RSL1D1: variants seen among roughly 807,000 people sequenced by gnomAD.
RSL1D1 encodes the protein ribosomal L1 domain-containing protein 1.
Under a neutral mutation model 44.6 loss-of-function variants are expected in RSL1D1, and 34 were observed. The ratio of observed to expected loss-of-function variants is 0.76; its 90% CI spans 0.58 to 1.02. The LOEUF is 1.02. Ranked by LOEUF, RSL1D1 falls within the 50% of genes least tolerant of loss-of-function variation. The probability of loss-of-function intolerance (pLI) is 0.00; values close to 1 mark genes in which losing one functional copy is unlikely to be tolerated. For missense variants in RSL1D1, 767 were observed against 568.1 expected, an observed-to-expected ratio of 1.35 and a Z score of -3.56; for synonymous variants, 271 against 207.4, an observed-to-expected ratio of 1.31 and a Z score of -2.63.
chr16:11,838,523 TA>T (rs2053738315), intron 8 of RSL1D1, among the ~76,000 whole-genome samples: 1 of 151,932 alleles, frequency 6.6e-6, no homozygotes, highest in Admixed American at 6.6e-5. Flanking sequence ...CCCCAAAAGG[TA>T]CACCTCAGTA....
chr16:11,847,889 CTTAG>C (rs2053810781), intron 2 of RSL1D1, 83 bp from the exon 3 acceptor site: 2 of 1,371,276 alleles, frequency 1.5e-6, no homozygotes, highest in Non-Finnish European at 2.0e-6. Flanking sequence ...ACGCGATAAA[CTTAG>C]TGTTATTTAA....
At chr16:11,844,752 A>T (rs1458613740) in intron 5 of RSL1D1, among the ~76,000 whole-genome samples, 1 of 152,226 alleles carries the variant, frequency 6.6e-6, no homozygotes, top group Non-Finnish European at 1.5e-5. Flanking sequence ...GCAGTGGCCT[A>T]CAGCTCTGCC....
chr16:11,849,083 A>G (rs1596443152), intron 2 of RSL1D1, among the ~76,000 whole-genome samples: 2 of 152,188 alleles, frequency 1.3e-5, no homozygotes, highest in African/African-American at 4.8e-5. Context: ...CCAGCATAAC[A>G]TAACTTTTAA....
chr16:11,850,506 T>A, intron 1 of RSL1D1, 88 bp from the exon 2 acceptor site: 1 of 1,381,346 alleles, frequency 7.2e-7, no homozygotes, highest in Non-Finnish European at 9.8e-7. Context: ...AATTTAGCAT[T>A]TGCCCCCTCC....
intron 2 of RSL1D1, 53 bp from the exon 3 acceptor site, chr16:11,847,859 ATGTT>A: frequency 6.5e-7 from 1 of 1,543,356 alleles, no homozygotes; most frequent in East Asian, 2.2e-5. Context: ...CACATTATGC[ATGTT>A]TGTATCACAC....
rs1596436812 is a variant in RSL1D1, at chr16:11,837,576, C to T, written c.*211G>A. On this transcript the variant is annotated 3_prime_UTR_variant, in exon 9 of 9. Coordinates refer to ENST00000571133, the MANE Select transcript of RSL1D1 (RefSeq NM_015659.3). ...ATGTTGGCCAGGATGGTCTCGATCT[C>T]GTTGACCTTGTGATCCGCCTGCCTC... 12 of 505,680 alleles carry T rather than the reference C, an allele frequency of 2.4e-5. No homozygotes were observed. Among genetic ancestry groups the T allele is most frequent in the Middle Eastern group, 5.3e-4 (1 of 1,878 alleles). The allele number at this position is 505,680 out of a possible 1,614,324, so 31.3% of individuals were successfully genotyped here.
At chr16:11,847,050 G>A (rs1027469238) in intron 3 of RSL1D1, among the ~76,000 whole-genome samples, 1 of 152,116 alleles carries the variant, frequency 6.6e-6, no homozygotes, top group Non-Finnish European at 1.5e-5. Flanking sequence ...CCCAGCTAAA[G>A]CAACTTAGAT....
At chr16:11,846,637 T>C (rs201573937) in intron 4 of RSL1D1, 35 bp from the exon 5 acceptor site, 505 of 1,606,154 alleles carry the variant, frequency 3.1e-4, no homozygotes, top group Non-Finnish European at 3.8e-4. Flanking sequence ...CAGAACACAA[T>C]GCATACACAC....
chr16:11,846,451 AT>A (rs1410657592), intron 5 of RSL1D1, 49 bp downstream of exon 5: 4 of 981,098 alleles, frequency 4.1e-6, no homozygotes, highest in Non-Finnish European at 6.3e-6. Context: ...ATATAAAATC[AT>A]TGTCAAATAC....
At chr16:11,848,097 TA>T (rs2053812039) in intron 2 of RSL1D1, among the ~76,000 whole-genome samples, 1 of 151,840 alleles carries the variant, frequency 6.6e-6, no homozygotes, top group African/African-American at 2.4e-5. Flanking sequence ...ACTAAAATTA[TA>T]AAAAATTAGC....
At position 11,837,777 on chromosome 16, in the gene RSL1D1, A is replaced by G. The variant is rs1567416925; in HGVS notation, c.*10T>C. On this transcript the variant is annotated 3_prime_UTR_variant, in exon 9 of 9. Coordinates refer to ENST00000571133, the MANE Select transcript of RSL1D1 (RefSeq NM_015659.3). ...AGCATTGAGGTTTCCTTCCAGTTGAATCACTGACTTTAGGTCGACTGGGGT... is the reference window on the plus strand; with the variant it reads ...AGCATTGAGGTTTCCTTCCAGTTGAGTCACTGACTTTAGGTCGACTGGGGT... 1 of 1,590,712 alleles carries G rather than the reference A, an allele frequency of 6.3e-7. No homozygotes were observed.
At chr16:11,840,339 G>C (rs1323459091) in intron 7 of RSL1D1, among the ~76,000 whole-genome samples, 1 of 151,262 alleles carries the variant, frequency 6.6e-6, no homozygotes, top group Non-Finnish European at 1.5e-5. Context: ...GCTGAGGCAG[G>C]AGGATCACTT....
chr16:11,836,295 C>A lies in RSL1D1; in HGVS notation c.*1492G>T, dbSNP rs2053717345. 6.6e-6 allele frequency: 1 copy of A among 152,188 alleles called. No individual in the cohort carries two copies. Among genetic ancestry groups the A allele is most frequent in the Admixed American group, 6.6e-5 (1 of 15,266 alleles). The allele number at this position is 152,188 out of a possible 1,614,324, so 9.4% of individuals were successfully genotyped here. On this transcript the variant is annotated 3_prime_UTR_variant, in exon 9 of 9. Transcript: ENST00000571133. Reference sequence around the variant, plus strand: ...CCTTTGACTCCACTGGACTTTGTCACCCCCACGACCTGGTGTTGGGTCTGG... The same window carrying A: ...CCTTTGACTCCACTGGACTTTGTCAACCCCACGACCTGGTGTTGGGTCTGG...
At chr16:11,850,965 C>T in intron 1 of RSL1D1, 1 of 234,372 alleles carries the variant, frequency 4.3e-6, no homozygotes. Flanking sequence ...GCTGGGATTA[C>T]AGGCGTGAGC....
At chr16:11,838,944 G>T (rs1215064485) in intron 8 of RSL1D1, among the ~76,000 whole-genome samples, 1 of 152,076 alleles carries the variant, frequency 6.6e-6, no homozygotes, top group East Asian at 1.9e-4. Context: ...TGACTGAGGG[G>T]AGGGAATCCT....
chr16:11,848,425 G>A (rs968104271), intron 2 of RSL1D1, among the ~76,000 whole-genome samples: 6 of 152,176 alleles, frequency 3.9e-5, no homozygotes, highest in African/African-American at 1.4e-4. Flanking sequence ...ATGTGCACAC[G>A]TACTGTAATG....
chr16:11,839,855 G>A lies in RSL1D1; in HGVS notation c.986C>T (p.Thr329Ile). ...CTTCTTTGATTCAGGTTTCTTCACT[G>A]TAGTATCACCACTTTCAGGTGCCAC... is the stretch of plus-strand genomic sequence containing the variant. ...DDVAPESGDT[T>I]VKKPESKKEQ... Residue 329 changes from threonine to isoleucine, a missense_variant, in exon 8 of 9, where the codon ACA becomes ATA. Physicochemically the swap from Thr to Ile is moderately conservative, Grantham distance 89. Coordinates refer to ENST00000571133, the MANE Select transcript of RSL1D1 (RefSeq NM_015659.3). 2 of 1,614,080 alleles carry A rather than the reference G, an allele frequency of 1.2e-6. No individual in the cohort carries two copies. The highest frequency in any genetic ancestry group is 1.7e-6 in the Non-Finnish European group (2 of 1,180,036).
chr16:11,837,954 CTTT>C lies in RSL1D1; in HGVS notation c.1303_1305del (p.Lys435del), dbSNP rs764276009. 5.0e-6 allele frequency: 8 copies of C among 1,614,056 alleles called. No individual in the cohort carries two copies. Among genetic ancestry groups the C allele is most frequent in the Non-Finnish European group, 6.8e-6 (8 of 1,180,012 alleles). ...GGACTTTTTTCCTTCACTGCCTCTT[CTTT>C]GATTTTTGGCTTCTTCTCTGGGCTT... On this transcript the variant is annotated inframe_deletion, in exon 9 of 9. Coordinates refer to ENST00000571133, the MANE Select transcript of RSL1D1 (RefSeq NM_015659.3).
At chr16:11,842,882 A>T (rs1596440163) in intron 5 of RSL1D1, among the ~76,000 whole-genome samples, 1 of 149,672 alleles carries the variant, frequency 6.7e-6, no homozygotes, top group Non-Finnish European at 1.5e-5. Context: ...CAGCCTCCCT[A>T]GTAGCTGAGA....
Sources: allele counts gnomAD v4.1 joint callset (sites outside exome capture counted in the v4.1 genomes callset), GRCh38; gene constraint gnomAD v4.1.1; transcripts MANE v1.5; gene names NCBI Gene and HGNC (gene_info 2026-07-23, HGNC 2026-07-21).